Variants in MPDZ observed in about 807,000 individuals in gnomAD.
The protein encoded by MPDZ is multiple PDZ domain crumbs cell polarity complex component.
MPDZ carries 234 observed loss-of-function variants against 239.1 expected under a neutral mutation model. That is an observed-to-expected ratio of 0.98 (90% CI 0.88 to 1.09). MPDZ has a LOEUF of 1.09. Ranked by LOEUF, MPDZ falls within the 50% of genes least tolerant of loss-of-function variation. MPDZ has a pLI of 0.00. For synonymous variants in MPDZ, 1,048 were observed against 881.3 expected (o/e 1.19, Z -3.35); for missense variants, 3,175 against 2,510.0 (o/e 1.26, Z -5.66).
At chr9:13,217,437 G>A (rs573767621) in intron 8 of MPDZ, 143 bp from the exon 9 acceptor site, 78 of 595,888 alleles carry the variant, frequency 1.3e-4, no homozygotes, top group Non-Finnish European at 1.7e-4. Flanking sequence ...TAGCAGAGAC[G>A]ATTCCTTTAA....
At chr9:13,278,454 G>A (rs1974756911) in intron 1 of MPDZ, among the ~76,000 whole-genome samples, 1 of 152,084 alleles carries the variant, frequency 6.6e-6, no homozygotes, top group African/African-American at 2.4e-5. Context: ...CGCAGTCTCC[G>A]CTTGATTTCC....
intron 1 of MPDZ, among the ~76,000 whole-genome samples, chr9:13,269,945 A>G (rs963456490): frequency 6.6e-6 from 1 of 152,212 alleles, no homozygotes; most frequent in African/African-American, 2.4e-5. Context: ...CAGCAATTCG[A>G]TCTCCTAATT....
intron 46 of MPDZ, 24 bp downstream of exon 46, chr9:13,108,912 G>C (rs372117977): frequency 5.6e-6 from 9 of 1,604,734 alleles, no homozygotes; most frequent in Non-Finnish European, 7.7e-6. Flanking sequence ...GGGAAAAGAG[G>C]GTGGTTAAAA....
rs1295368873 is a variant in MPDZ, at chr9:13,277,429, G to A, written c.-58+1971C>T. Among the ~76,000 whole-genome samples the A allele has an allele frequency of 2.6e-5, 4 of 152,150 alleles. No homozygotes were observed. The East Asian group carries it at 7.7e-4, about 29-fold the overall frequency. On this transcript the variant is annotated intron_variant, in intron 1 of 46. Transcript: ENST00000319217. ...GGCAAATGAGATAGGGAAGAAGAAC[G>A]GAGAGTCAAGGGGTACCCAAAACTA...
At chr9:13,214,512 T>C (rs1958034964) in intron 10 of MPDZ, among the ~76,000 whole-genome samples, 2 of 152,138 alleles carry the variant, frequency 1.3e-5, no homozygotes, top group South Asian at 4.1e-4. Flanking sequence ...AACGCACAAC[T>C]CTGTGAATAC....
chr9:13,153,301 G>A (rs919546426), intron 24 of MPDZ, among the ~76,000 whole-genome samples: 1 of 152,070 alleles, frequency 6.6e-6, no homozygotes, highest in Non-Finnish European at 1.5e-5. Flanking sequence ...TACCTGTTTA[G>A]TTTAAAACGA....
chr9:13,196,546 G>A (rs1250189170), intron 12 of MPDZ, among the ~76,000 whole-genome samples: 1 of 152,012 alleles, frequency 6.6e-6, no homozygotes, highest in Non-Finnish European at 1.5e-5. Flanking sequence ...TAGTCCTCTG[G>A]TAATGCTACA....
chr9:13,163,512 T>C (rs144854821), intron 22 of MPDZ, among the ~76,000 whole-genome samples: 1 of 152,306 alleles, frequency 6.6e-6, no homozygotes, highest in African/African-American at 2.4e-5. Flanking sequence ...AGATGCTGAC[T>C]CCTGCTGTAA....
At position 13,190,221 on chromosome 9, in the gene MPDZ, T is replaced by G. The variant is rs759487561; in HGVS notation, c.2047A>C (p.Ser683Arg). The change falls in exon 16 of 47, where the codon AGT (serine) becomes CGT (arginine). Residue 683 changes from serine (S) to arginine (R), a missense_variant. Transcript: ENST00000319217. ...PVLAMTDAGQ[S>R]TEEVQAPLAM... ...AAAGGTGCTTGAACCTCTTCTGTAC[T>G]CTGACCCGCATCAGTCATCGCCAGC... is the stretch of plus-strand genomic sequence containing the variant. 1 of 1,612,852 alleles carries G rather than the reference T, an allele frequency of 6.2e-7. No homozygotes were observed.
At chr9:13,203,263 G>A (rs974598473) in intron 12 of MPDZ, among the ~76,000 whole-genome samples, 15 of 152,144 alleles carry the variant, frequency 9.9e-5, no homozygotes, top group Non-Finnish European at 2.2e-4. Context: ...TTCTGCAAGA[G>A]AAACAGGAGG....
intron 4 of MPDZ, 37 bp from the exon 5 acceptor site, chr9:13,223,747 C>A: frequency 1.3e-6 from 2 of 1,541,532 alleles, no homozygotes; most frequent in Non-Finnish European, 1.8e-6. Flanking sequence ...AAACTAAAAG[C>A]CAGGCCATGC....
intron 1 of MPDZ, among the ~76,000 whole-genome samples, chr9:13,264,097 T>C (rs1377486899): frequency 2.0e-5 from 3 of 152,168 alleles, no homozygotes; most frequent in Non-Finnish European, 4.4e-5. Flanking sequence ...AATGAAAATA[T>C]ATATAATATG....
intron 3 of MPDZ, among the ~76,000 whole-genome samples, chr9:13,225,413 G>A (rs1208789155): frequency 6.6e-6 from 1 of 151,308 alleles, no homozygotes; most frequent in African/African-American, 2.4e-5. Flanking sequence ...CATTATATTG[G>A]CTATCTAGTA....
Position 13,115,814 on chromosome 9 carries a change from A to G in MPDZ, c.5380-480T>C, listed in dbSNP as rs545242417. Among the ~76,000 whole-genome samples, 406 of 151,850 alleles carry G rather than the reference A, an allele frequency of 2.7e-3. 1 individual carries two copies. The highest frequency in any genetic ancestry group is 7.2e-3 in the African/African-American group (297 of 41,436). ...CAAAAAAATAGCTGGGCGTGGTGGC[A>G]GGCGCCTGTAGTCCCAGCTACTCAG... is the stretch of plus-strand genomic sequence containing the variant. On this transcript the variant is annotated intron_variant, in intron 39 of 46. Transcript: ENST00000319217.
intron 12 of MPDZ, among the ~76,000 whole-genome samples, chr9:13,204,743 C>T (rs943488034): frequency 1.3e-5 from 2 of 152,066 alleles, no homozygotes; most frequent in African/African-American, 4.8e-5. Context: ...CACATACAAA[C>T]AGTTAATTCC....
At chr9:13,196,611 AG>A (rs1174115594) in intron 12 of MPDZ, among the ~76,000 whole-genome samples, 2 of 151,648 alleles carry the variant, frequency 1.3e-5, no homozygotes, top group Non-Finnish European at 3.0e-5. Context: ...TTAGTTCATC[AG>A]GGGAAAAAAG....
At chr9:13,209,900 C>A (rs762266067) in intron 10 of MPDZ, among the ~76,000 whole-genome samples, 2 of 151,766 alleles carry the variant, frequency 1.3e-5, no homozygotes, top group Non-Finnish European at 2.9e-5. Flanking sequence ...AGAAACAAGG[C>A]TGGAGACTCA....
At chr9:13,110,934 A>G (rs1942353642) in intron 43 of MPDZ, among the ~76,000 whole-genome samples, 194 bp from the exon 44 acceptor site, 1 of 152,216 alleles carries the variant, frequency 6.6e-6, no homozygotes, top group Non-Finnish European at 1.5e-5. Context: ...GCAGTGCATA[A>G]TGGTTGAGTT....
chr9:13,268,726 C>T (rs927474307), intron 1 of MPDZ, among the ~76,000 whole-genome samples: 5 of 152,192 alleles, frequency 3.3e-5, no homozygotes, highest in Non-Finnish European at 2.9e-5. Context: ...AGGACATCTG[C>T]TAAGGCAACA....
Sources: gnomAD v4.1 joint callset for allele counts (sites outside exome capture counted in the v4.1 genomes callset) on GRCh38, gnomAD v4.1.1 for gene constraint, MANE v1.5 for transcripts, NCBI Gene and HGNC (gene_info 2026-07-23, HGNC 2026-07-21) for gene names.